Variants in DCAKD observed in about 807,000 individuals in gnomAD.
DCAKD encodes the protein dephospho-CoA kinase domain-containing protein.
Under a neutral mutation model 18.7 loss-of-function variants are expected in DCAKD, and 15 were observed. The observed-to-expected ratio is 0.80, with a 90% CI of 0.54 to 1.24. The LOEUF (loss-of-function observed/expected upper bound fraction) is 1.24. Among genes scored for constraint, DCAKD ranks in the 50% most tolerant of loss-of-function variants. The pLI, the probability that DCAKD is intolerant of heterozygous loss-of-function variation, is 0.00. For synonymous variants in DCAKD, 130 were observed against 133.0 expected (o/e 0.98, Z 0.16); for missense variants, 301 against 322.0 (o/e 0.93, Z 0.50).
intron 1 of DCAKD, among the ~76,000 whole-genome samples, chr17:45,050,239 T>A (rs1347913304): frequency 6.6e-6 from 1 of 152,044 alleles, no homozygotes; most frequent in East Asian, 1.9e-4. Flanking sequence ...CACGGGGGTT[T>A]CACCATGTTG....
At chr17:45,024,976 A>C (rs1260203644) in intron 4 of DCAKD, among the ~76,000 whole-genome samples, 10 of 150,478 alleles carry the variant, frequency 6.6e-5, no homozygotes, top group African/African-American at 2.2e-4. Context: ...GAAGCCCCTT[A>C]ATACAAACAA....
chr17:45,034,686 G>A, intron 2 of DCAKD, 88 bp downstream of exon 2: 2 of 1,404,010 alleles, frequency 1.4e-6, no homozygotes, highest in Non-Finnish European at 2.0e-6. Context: ...CCCCTCCTCT[G>A]AGACTTATAA....
intron 3 of DCAKD, among the ~76,000 whole-genome samples, chr17:45,032,900 T>A (rs982722041): frequency 1.3e-5 from 2 of 152,180 alleles, no homozygotes; most frequent in Admixed American, 1.3e-4. Flanking sequence ...AGGCCACATG[T>A]GCCAAAGGCT....
chr17:45,048,366 G>A (rs2053618248), intron 1 of DCAKD, among the ~76,000 whole-genome samples: 1 of 152,132 alleles, frequency 6.6e-6, no homozygotes, highest in South Asian at 2.1e-4. Context: ...AATTAGGCCA[G>A]GCATGTTGGC....
intron 1 of DCAKD, among the ~76,000 whole-genome samples, chr17:45,059,419 G>T (rs1238877756): frequency 2.0e-5 from 3 of 152,030 alleles, no homozygotes; most frequent in Non-Finnish European, 4.4e-5. Context: ...GCACTCTGAT[G>T]GTAAGAATTA....
Position 45,051,620 on chromosome 17 carries a change from C to A in DCAKD, c.-374G>T, listed in dbSNP as rs977760428. 2 of 150,896 alleles carry A rather than the reference C, an allele frequency of 1.3e-5. No individual in the cohort carries two copies. The highest frequency in any genetic ancestry group is 3.0e-5 in the Non-Finnish European group (2 of 67,712). The allele number at this position is 150,896 out of a possible 1,614,324, so 9.3% of individuals were successfully genotyped here. A position where few individuals can be genotyped will look rare whatever the true frequency, so the allele number is the denominator to read the frequency against. The stretch of plus-strand genomic sequence containing the variant: ...TCTCCGCAGCGCTTACAGGCCGGCT[C>A]AGCGGGCGAGGCGGGACCTCGGGAG... On this transcript the variant is annotated 5_prime_UTR_variant, in exon 1 of 5. Coordinates refer to ENST00000651974, the MANE Select transcript of DCAKD (RefSeq NM_001288655.2).
chr17:45,050,372 G>C (rs539951304), intron 1 of DCAKD, among the ~76,000 whole-genome samples: 3 of 152,230 alleles, frequency 2.0e-5, no homozygotes, highest in Admixed American at 6.5e-5. Context: ...ACAAAGCTAA[G>C]TTCGTGGCTT....
At chr17:45,033,561 T>C (rs1288035454) in intron 3 of DCAKD, among the ~76,000 whole-genome samples, 2 of 152,124 alleles carry the variant, frequency 1.3e-5, no homozygotes, top group African/African-American at 2.4e-5. Context: ...ACCTCCCAGG[T>C]TAAAGCGATT....
At chr17:45,038,796 G>A (rs1042297598) in intron 1 of DCAKD, among the ~76,000 whole-genome samples, 1 of 152,068 alleles carries the variant, frequency 6.6e-6, no homozygotes, top group Non-Finnish European at 1.5e-5. Context: ...GCGGACAAAG[G>A]AGCACACGCC....
chr17:45,031,811 G>A (rs577926060), intron 3 of DCAKD: 1 of 985,430 alleles, frequency 1.0e-6, no homozygotes, highest in East Asian at 1.1e-4. Flanking sequence ...ACATCCGTCT[G>A]CCTACACAGA....
intron 3 of DCAKD, among the ~76,000 whole-genome samples, chr17:45,032,849 G>A (rs976445005): frequency 6.6e-6 from 1 of 152,162 alleles, no homozygotes; most frequent in African/African-American, 2.4e-5. Context: ...TGAGAGTGGG[G>A]TGACAGGCAA....
At chr17:45,045,394 G>A (rs554685183) in intron 1 of DCAKD, among the ~76,000 whole-genome samples, 5 of 152,260 alleles carry the variant, frequency 3.3e-5, no homozygotes, top group East Asian at 1.9e-4. Context: ...GGGTACTGCT[G>A]TATCCAAGGT....
At chr17:45,042,479 C>T (rs1236419377) in intron 1 of DCAKD, among the ~76,000 whole-genome samples, 3 of 152,196 alleles carry the variant, frequency 2.0e-5, no homozygotes, top group Admixed American at 6.5e-5. Flanking sequence ...CCCTGTCCTC[C>T]TCCCCTTGCC....
intron 3 of DCAKD, 46 bp downstream of exon 3, chr17:45,034,141 G>C: frequency 6.2e-7 from 1 of 1,612,472 alleles, no homozygotes; most frequent in Non-Finnish European, 8.5e-7. Context: ...AAGGGCCCTG[G>C]CCCTGGAAGG....
intron 1 of DCAKD, among the ~76,000 whole-genome samples, chr17:45,041,341 T>G (rs183168502): frequency 2.6e-5 from 4 of 151,694 alleles, no homozygotes; most frequent in Middle Eastern, 3.4e-3. Context: ...AGACGGAGTC[T>G]GGCTCTGTCG....
chr17:45,043,276 G>A (rs1315956585), intron 1 of DCAKD, among the ~76,000 whole-genome samples: 2 of 151,826 alleles, frequency 1.3e-5, no homozygotes, highest in East Asian at 1.9e-4. Flanking sequence ...AAAAAGATCT[G>A]TAATGACTAC....
Position 45,058,643 on chromosome 17 carries a change from AACT to A in DCAKD, c.-118+2242_-118+2244del, listed in dbSNP as rs1363998275. Among the ~76,000 whole-genome samples, 9 of 151,674 alleles carry A rather than the reference AACT, an allele frequency of 5.9e-5. No individual in the cohort carries two copies. The East Asian group carries it at 1.4e-3, about 24-fold the overall frequency. On this transcript the variant is annotated intron_variant, in intron 1 of 4. Transcript: ENST00000310604. ...CGCCACGTTGGCCAGGCTGGTCTCGAACTCCTGACCTCAGGTGATCCACCCACC... is the reference window on the plus strand; with the variant it reads ...CGCCACGTTGGCCAGGCTGGTCTCGACCTGACCTCAGGTGATCCACCCACC...
intron 1 of DCAKD, among the ~76,000 whole-genome samples, chr17:45,037,746 C>T (rs1567839341): frequency 7.1e-6 from 1 of 140,864 alleles, no homozygotes; most frequent in Middle Eastern, 3.8e-3. Context: ...AGGCGTAAAC[C>T]ACCACGCCAA....
At chr17:45,054,250 A>ATTTTTTTTTTTT (rs145150422), upstream of DCAKD, 1 of 411,612 alleles carries the variant, frequency 2.4e-6, no homozygotes, top group Non-Finnish European at 4.8e-6. Flanking sequence ...AGACAGTTTT[A>ATTTTTTTTTTTT]TTTATTTTTT....
Sources: gnomAD v4.1 joint callset for allele counts (sites outside exome capture counted in the v4.1 genomes callset) on GRCh38, gnomAD v4.1.1 for gene constraint, MANE v1.5 for transcripts, NCBI Gene and HGNC (gene_info 2026-07-23, HGNC 2026-07-21) for gene names.